NCK2: variants seen among roughly 807,000 people sequenced by gnomAD.
The protein encoded by NCK2 is cytoplasmic protein NCK2.
NCK2 carries 16 observed loss-of-function variants against 33.9 expected under a neutral mutation model. The observed-to-expected ratio is 0.47, with a 90% CI of 0.32 to 0.72. The LOEUF (loss-of-function observed/expected upper bound fraction) is 0.72. NCK2 is among the 30% of genes least tolerant of loss of function. The pLI is 0.03. For missense variants in NCK2, 418 were observed against 537.3 expected (o/e 0.78, Z 2.19); for synonymous variants, 273 against 239.9 (o/e 1.14, Z -1.27).
chr2:105,868,050 C>T (rs1026691649), intron 3 of NCK2, among the ~76,000 whole-genome samples: 5 of 152,078 alleles, frequency 3.3e-5, no homozygotes, highest in African/African-American at 7.2e-5. Flanking sequence ...ACTGAGAGAG[C>T]GCTCGTTTAC....
At chr2:105,771,293 G>A (rs1388281355) in intron 1 of NCK2, among the ~76,000 whole-genome samples, 7 of 151,810 alleles carry the variant, frequency 4.6e-5, no homozygotes, top group African/African-American at 7.3e-5. Flanking sequence ...GAGGGCTGGC[G>A]GGGTGGCTCA....
intron 1 of NCK2, among the ~76,000 whole-genome samples, chr2:105,785,518 A>C (rs6543336): frequency 0.82 from 124,140 of 152,158 alleles, 50,836 homozygotes; most frequent in East Asian, 0.88. Context: ...AATCTAATGC[A>C]GCCTGCCCAG....
intron 2 of NCK2, among the ~76,000 whole-genome samples, chr2:105,818,356 A>G (rs963537011): frequency 6.6e-6 from 1 of 151,494 alleles, no homozygotes; most frequent in South Asian, 2.1e-4. Context: ...GCAGCACACC[A>G]ACATGGCACA....
chr2:105,859,946 T>C (rs1005545898), intron 3 of NCK2, among the ~76,000 whole-genome samples: 1 of 152,178 alleles, frequency 6.6e-6, no homozygotes, highest in Non-Finnish European at 1.5e-5. Context: ...GTTGGTATTA[T>C]ACTTTCGTTT....
intron 1 of NCK2, among the ~76,000 whole-genome samples, chr2:105,805,355 A>G (rs1381100671): frequency 6.6e-6 from 1 of 152,224 alleles, no homozygotes; most frequent in African/African-American, 2.4e-5. Flanking sequence ...CATTTTAGGA[A>G]TATTTAAAAA....
intron 1 of NCK2, among the ~76,000 whole-genome samples, chr2:105,768,679 A>G (rs13033433): frequency 0.25 from 37,255 of 151,988 alleles, 5,164 homozygotes; most frequent in Middle Eastern, 0.38. Flanking sequence ...TTTTTTTGAA[A>G]TTTTCTTTTT....
chr2:105,754,073 G>T (rs960277788), intron 1 of NCK2, among the ~76,000 whole-genome samples: 20 of 152,334 alleles, frequency 1.3e-4, no homozygotes, highest in African/African-American at 4.3e-4. Context: ...ATGGGACTGA[G>T]ATAGGACGGT....
intron 1 of NCK2, among the ~76,000 whole-genome samples, chr2:105,763,430 C>T (rs1689830619): frequency 6.6e-6 from 1 of 152,022 alleles, no homozygotes; most frequent in Admixed American, 6.6e-5. Context: ...CAAAACATGC[C>T]CCAAGTGGGT....
intron 1 of NCK2, among the ~76,000 whole-genome samples, chr2:105,796,598 GA>G (rs555904950): frequency 6.6e-6 from 1 of 152,294 alleles, no homozygotes; most frequent in South Asian, 2.1e-4. Flanking sequence ...CTGGGAGCTG[GA>G]AGGCTGGAGA....
intron 2 of NCK2, among the ~76,000 whole-genome samples, chr2:105,823,132 C>CTGTG (rs10610689): frequency 0.048 from 7,173 of 148,484 alleles, 212 homozygotes; most frequent in Middle Eastern, 0.11. Flanking sequence ...TCCTCTCATG[C>CTGTG]TGTGTGTGTG....
chr2:105,804,648 A>G (rs146022121), intron 1 of NCK2, among the ~76,000 whole-genome samples: 1 of 152,096 alleles, frequency 6.6e-6, no homozygotes, highest in Non-Finnish European at 1.5e-5. Flanking sequence ...ATTTAGAATT[A>G]CTCTTTGATT....
chr2:105,881,310 C>A lies in NCK2; in HGVS notation c.227-18C>A. On this transcript the variant is annotated intron_variant, in intron 3 of 4. Coordinates refer to ENST00000233154, the MANE Select transcript of NCK2 (RefSeq NM_003581.5). The stretch of plus-strand genomic sequence containing the variant: ...GCCCAAGTGCCCTGCGCCACTGAGC[C>A]TTGCTGTGTCTCCACAGGCCTCGGC... 1.3e-6 allele frequency: 2 copies of A among 1,571,162 alleles called. No homozygotes were observed. The highest frequency in any genetic ancestry group is 1.9e-4 in the Middle Eastern group (1 of 5,218).
chr2:105,870,868 C>T (rs528686222), intron 3 of NCK2, among the ~76,000 whole-genome samples: 18 of 152,160 alleles, frequency 1.2e-4, no homozygotes, highest in African/African-American at 4.1e-4. Flanking sequence ...CCAGTAACAG[C>T]GGTGCTTTCA....
chr2:105,757,898 G>A (rs1027713455), intron 1 of NCK2, among the ~76,000 whole-genome samples: 2 of 152,190 alleles, frequency 1.3e-5, no homozygotes, highest in African/African-American at 4.8e-5. Flanking sequence ...ATTGTCACCT[G>A]AGCTGAGACA....
chr2:105,807,617 G>A (rs1413496231), intron 1 of NCK2, among the ~76,000 whole-genome samples: 1 of 152,016 alleles, frequency 6.6e-6, no homozygotes, highest in Non-Finnish European at 1.5e-5. Context: ...AGTCACGCTG[G>A]GCAGCCCTTG....
At chr2:105,751,289 A>G (rs1003744438) in intron 1 of NCK2, among the ~76,000 whole-genome samples, 10 of 152,024 alleles carry the variant, frequency 6.6e-5, no homozygotes, top group African/African-American at 2.2e-4. Context: ...TATTGATTCT[A>G]CCTCCAAAAG....
chr2:105,796,775 C>G (rs191424966), intron 1 of NCK2, among the ~76,000 whole-genome samples: 1 of 152,260 alleles, frequency 6.6e-6, no homozygotes. Flanking sequence ...CTAAGCATTT[C>G]TCTTTGACGC....
intron 3 of NCK2, among the ~76,000 whole-genome samples, chr2:105,858,255 T>TTTGTTC (rs1259749073): frequency 6.6e-6 from 1 of 151,826 alleles, no homozygotes; most frequent in African/African-American, 2.4e-5. Flanking sequence ...CTGACCACGG[T>TTTGTTC]TTGTTTTTGT....
At chr2:105,815,586 G>A (rs1403980804) in intron 1 of NCK2, among the ~76,000 whole-genome samples, 3 of 152,170 alleles carry the variant, frequency 2.0e-5, no homozygotes, top group Admixed American at 6.5e-5. Flanking sequence ...TGAACATAAC[G>A]CAGCTGCCAG....
Sources: allele counts gnomAD v4.1 joint callset (sites outside exome capture counted in the v4.1 genomes callset), GRCh38; gene constraint gnomAD v4.1.1; transcripts MANE v1.5; gene names NCBI Gene and HGNC (gene_info 2026-07-23, HGNC 2026-07-21).